The following NTN4 variants were observed in gnomAD, a reference collection of about 807,000 sequenced individuals.
NTN4 encodes the protein netrin 4.
NTN4 carries 32 observed loss-of-function variants against 73.6 expected under a neutral mutation model. The ratio of observed to expected loss-of-function variants is 0.44; its 90% CI spans 0.33 to 0.58. The LOEUF is 0.58. Ranked by LOEUF, NTN4 falls within the 20% of genes least tolerant of loss-of-function variation. NTN4 has a pLI of 0.04. For synonymous variants in NTN4, 258 were observed against 287.5 expected (o/e 0.90, Z 1.04); for missense variants, 654 against 798.3 (o/e 0.82, Z 2.18).
chr12:95,745,077 T>C (rs996959568), intron 2 of NTN4, among the ~76,000 whole-genome samples: 2 of 152,070 alleles, frequency 1.3e-5, no homozygotes, highest in African/African-American at 4.8e-5. Flanking sequence ...GCTTTTAAGG[T>C]TTTCTTTTTA....
chr12:95,708,260 A>AT (rs1480795855), intron 5 of NTN4, among the ~76,000 whole-genome samples: 2 of 13,558 alleles, frequency 1.5e-4, no homozygotes, highest in Non-Finnish European at 2.9e-4. Flanking sequence ...TTGTTATTTT[A>AT]TTTATTTATT....
chr12:95,787,417 G>C lies in NTN4; in HGVS notation c.107C>G (p.Pro36Arg). Reference protein sequence around the residue: ...VSSRCEKACNPRMGNLALGRK... With the variant: ...VSSRCEKACNRRMGNLALGRK... ...CCCCAAAGCCAAATTTCCCATCCGA[G>C]GGTTGCAGGCTTTTTCACAGCGGGA... Residue 36 changes from proline (P) to arginine (R), a missense_variant, in exon 2 of 10, where the codon CCT becomes CGT. Physicochemically the swap from Pro to Arg is moderately radical, Grantham distance 103. Transcript: ENST00000343702. 6.2e-7 allele frequency: 1 copy of C among 1,614,182 alleles called. No individual in the cohort carries two copies. Among genetic ancestry groups the C allele is most frequent in the Non-Finnish European group, 8.5e-7 (1 of 1,180,044 alleles).
intron 3 of NTN4, among the ~76,000 whole-genome samples, chr12:95,724,195 T>C (rs535710455): frequency 6.6e-6 from 1 of 152,338 alleles, no homozygotes; most frequent in South Asian, 2.1e-4. Flanking sequence ...GTAATAAATA[T>C]TTCTGCCATA....
At chr12:95,672,401 AG>A in intron 7 of NTN4, 1 of 1,008,424 alleles carries the variant, frequency 9.9e-7, no homozygotes, top group Admixed American at 1.7e-5. Context: ...TGAGCCCGGC[AG>A]GCCACCAGGA....
chr12:95,721,545 CAG>C (rs1006927494), intron 3 of NTN4, among the ~76,000 whole-genome samples: 2 of 152,178 alleles, frequency 1.3e-5, no homozygotes, highest in Non-Finnish European at 2.9e-5. Context: ...CATTTACAAA[CAG>C]AGATGACAGC....
chr12:95,674,001 T>C (rs548028523), intron 7 of NTN4: 1 of 152,222 alleles, frequency 6.6e-6, no homozygotes, highest in African/African-American at 2.4e-5. Flanking sequence ...TTAAAAAAAT[T>C]GGCCTGGTGT....
Position 95,790,632 on chromosome 12 carries a change from C to T in NTN4, c.-323G>A, listed in dbSNP as rs1225367024. The T allele has an allele frequency of 2.2e-4, 44 of 201,162 alleles. No homozygotes were observed. The highest frequency in any genetic ancestry group is 6.0e-4 in the Admixed American group (10 of 16,620). The allele number at this position is 201,162 out of a possible 1,614,324, so 12.5% of individuals were successfully genotyped here. A position where few individuals can be genotyped will look rare whatever the true frequency, so the allele number is the denominator to read the frequency against. On this transcript the variant is annotated 5_prime_UTR_variant, in exon 1 of 10. Transcript: ENST00000343702. The surrounding 1 kb of genome is among the most constrained non-coding windows in gnomAD (Gnocchi z 6.5). ...GGGCTCGTCTGCCGCTAGCCCGGGGCTCGGCGCCCGCAGCCGCCGCTGAAC... is the reference window on the plus strand; with the variant it reads ...GGGCTCGTCTGCCGCTAGCCCGGGGTTCGGCGCCCGCAGCCGCCGCTGAAC...
Position 95,781,599 on chromosome 12 carries a change from C to T in NTN4, c.585+5340G>A, listed in dbSNP as rs1272353117. Among the ~76,000 whole-genome samples the T allele has an allele frequency of 6.6e-6, 1 of 152,152 alleles. No individual in the cohort carries two copies. The highest frequency in any genetic ancestry group is 1.5e-5 in the Non-Finnish European group (1 of 68,034). Reference sequence around the variant, plus strand: ...CAAACCTGCACATGCTGCACATGTACCCCTGCACTTAAAAGTTGGAAGAAA... The same window carrying T: ...CAAACCTGCACATGCTGCACATGTATCCCTGCACTTAAAAGTTGGAAGAAA... On this transcript the variant is annotated intron_variant, in intron 2 of 9. Transcript: ENST00000343702. This position sits in a 1 kb window ranked among gnomAD's most constrained non-coding sequence, Gnocchi z 4.1.
Position 95,683,607 on chromosome 12 carries a change from G to A in NTN4, c.1285C>T (p.Arg429Ter), listed in dbSNP as rs753730047. ...DCPCKPGVAG[R>*]RCDRCMVGYW... is the part of the protein sequence containing the mutation. ...CCCACCATGCACCTGTCACAACGTC[G>A]CCCTGCCACCCCAGGCTTGCAAGGG... Residue 429 changes from arginine (R) to a stop codon, truncating the protein, a stop_gained, in exon 6 of 10, where the codon CGA becomes TGA. Coordinates refer to ENST00000343702, the MANE Select transcript of NTN4 (RefSeq NM_021229.4). LOFTEE classifies it high-confidence loss of function. The A allele has an allele frequency of 2.5e-6, 4 of 1,613,988 alleles. No individual in the cohort carries two copies. The highest frequency in any genetic ancestry group is 1.1e-5 in the South Asian group (1 of 91,088).
chr12:95,712,569 C>G (rs917042757), intron 4 of NTN4, among the ~76,000 whole-genome samples: 1 of 152,046 alleles, frequency 6.6e-6, no homozygotes, highest in Non-Finnish European at 1.5e-5. Flanking sequence ...AATGAGAGTA[C>G]AACAGAATCA....
In NTN4 at chr12:95,787,186, T is replaced by G. The variant is rs144954541; in HGVS notation, c.338A>C (p.His113Pro). 2.5e-4 allele frequency: 396 copies of G among 1,614,076 alleles called. 1 individual carries two copies. Among genetic ancestry groups the G allele is most frequent in the Non-Finnish European group, 6.2e-5 (73 of 1,180,046 alleles). ...CAGGTCTAACTGGATCTTTTCTCTG[T>G]GCACATCCTCCGCAGACTGCCACCA... Reference protein sequence around the residue: ...RTWWQSAEDVHREKIQLDLEA... With the variant: ...RTWWQSAEDVPREKIQLDLEA... Residue 113 changes from histidine (H) to proline (P), a missense_variant, in exon 2 of 10, where the codon CAC becomes CCC. Physicochemically the swap from His to Pro is moderately conservative, Grantham distance 77. Coordinates refer to ENST00000343702, the MANE Select transcript of NTN4 (RefSeq NM_021229.4).
chr12:95,659,245 G>C, intron 9 of NTN4, 23 bp from the exon 10 acceptor site: 1 of 1,590,688 alleles, frequency 6.3e-7, no homozygotes, highest in Non-Finnish European at 8.6e-7. Context: ...AAAATTAGGG[G>C]CTATACAGTA....
chr12:95,765,614 C>T (rs7133477), intron 2 of NTN4, among the ~76,000 whole-genome samples: 84,962 of 151,930 alleles, frequency 0.56, 24,023 homozygotes, highest in East Asian at 0.66. Flanking sequence ...TTTTGTTTAC[C>T]ACCATATCCT....
chr12:95,679,358 T>G (rs1354959058), intron 7 of NTN4, among the ~76,000 whole-genome samples: 1 of 152,208 alleles, frequency 6.6e-6, no homozygotes, highest in Non-Finnish European at 1.5e-5. Flanking sequence ...GTATAGAAAC[T>G]TGATATATGA....
At chr12:95,726,768 A>G (rs12230854) in intron 3 of NTN4, among the ~76,000 whole-genome samples, 13,812 of 152,094 alleles carry the variant, frequency 0.091, 1,234 homozygotes, top group East Asian at 0.56. Context: ...TTCGACCTTC[A>G]GGAGTTCAGC....
intron 9 of NTN4, among the ~76,000 whole-genome samples, chr12:95,664,955 CAG>C (rs1257798583): frequency 6.6e-6 from 1 of 152,018 alleles, no homozygotes; most frequent in Non-Finnish European, 1.5e-5. Context: ...CGCTAAGACA[CAG>C]ATGACAATCA....
intron 2 of NTN4, among the ~76,000 whole-genome samples, chr12:95,755,338 T>G (rs1200173157): frequency 2.6e-5 from 4 of 152,194 alleles, no homozygotes; most frequent in Non-Finnish European, 4.4e-5. Flanking sequence ...GGTGGCCACT[T>G]GGAAAGTATG....
chr12:95,722,566 A>C (rs1177839827), intron 3 of NTN4, among the ~76,000 whole-genome samples: 1 of 152,172 alleles, frequency 6.6e-6, no homozygotes, highest in African/African-American at 2.4e-5. Flanking sequence ...CAGACGTTGT[A>C]ATGAGCCGAG....
chr12:95,662,519 C>A (rs1404443542), intron 9 of NTN4, among the ~76,000 whole-genome samples: 1 of 152,156 alleles, frequency 6.6e-6, no homozygotes, highest in Non-Finnish European at 1.5e-5. Flanking sequence ...GTGTGAACCA[C>A]TGCACCCTGC....
Sources: allele counts gnomAD v4.1 joint callset (sites outside exome capture counted in the v4.1 genomes callset), GRCh38; gene constraint gnomAD v4.1.1; non-coding constraint Gnocchi (gnomAD v3.1); transcripts MANE v1.5; gene names NCBI Gene and HGNC (gene_info 2026-07-23, HGNC 2026-07-21).